Variants in FOCAD observed in about 807,000 individuals in gnomAD.
FOCAD encodes the protein KIAA1797.
FOCAD carries 198 observed loss-of-function variants against 225.6 expected under a neutral mutation model. That is an observed-to-expected ratio of 0.88 (90% CI 0.78 to 0.99). The LOEUF (loss-of-function observed/expected upper bound fraction) is 0.99. Among genes scored for constraint, FOCAD ranks in the 50% least tolerant of loss-of-function variants. FOCAD has a pLI of 0.00. For synonymous variants in FOCAD, 897 were observed against 755.0 expected, an observed-to-expected ratio of 1.19 and a Z score of -3.08; for missense variants, 2,713 against 2,123.6, an observed-to-expected ratio of 1.28 and a Z score of -5.46.
At chr9:20,922,252 T>C (rs2132132424) in intron 24 of FOCAD, among the ~76,000 whole-genome samples, 1 of 152,274 alleles carries the variant, frequency 6.6e-6, no homozygotes, top group African/African-American at 2.4e-5. Flanking sequence ...CCTCAAGGCT[T>C]CCTTCCCATT....
chr9:20,926,447 A>G, intron 26 of FOCAD, 30 bp downstream of exon 26: 1 of 1,374,020 alleles, frequency 7.3e-7, no homozygotes, highest in Non-Finnish European at 1.0e-6. Context: ...AATGATCAGA[A>G]AACTCAAGAA....
At chr9:20,707,012 C>T (rs965086880) in intron 1 of FOCAD, among the ~76,000 whole-genome samples, 1 of 152,194 alleles carries the variant, frequency 6.6e-6, no homozygotes, top group Non-Finnish European at 1.5e-5. Context: ...TGCTCAAACA[C>T]CACTGGAGAG....
intron 40 of FOCAD, 44 bp downstream of exon 40, chr9:20,986,509 G>C (rs1222523573): frequency 6.7e-7 from 1 of 1,499,052 alleles, no homozygotes; most frequent in Admixed American, 2.2e-5. Context: ...GAATAGATCT[G>C]CCTGCTGTTG....
At chr9:20,777,191 A>G (rs1327574531) in intron 8 of FOCAD, among the ~76,000 whole-genome samples, 2 of 151,640 alleles carry the variant, frequency 1.3e-5, no homozygotes, top group Admixed American at 6.6e-5. Context: ...TGTTAGTTTG[A>G]TAGTATCTTC....
chr9:20,736,458 G>A (rs1242914527), intron 4 of FOCAD, among the ~76,000 whole-genome samples: 2 of 152,088 alleles, frequency 1.3e-5, no homozygotes, highest in Non-Finnish European at 2.9e-5. Context: ...CATTTTGCAG[G>A]AGTAGATCTC....
rs2132057413 is a variant in FOCAD at position 20,912,868 on chromosome 9, A to G, written c.2721A>G (p.Gly907=). The G allele has an allele frequency of 6.2e-7, 1 of 1,612,800 alleles. No homozygotes were observed. Among genetic ancestry groups the G allele is most frequent in the South Asian group, 1.1e-5 (1 of 91,024 alleles). ...MNRAYHAILQ[G]RLGELELQLK... ...GATTTATGCTGTGATTTTTGCAGGG[A>G]AGACTAGGAGAGCTGGAGTTGCAGT... The change falls in exon 23 of 44, where the codon GGA becomes GGG. Residue 907 remains glycine, a splice_region_variant and synonymous_variant. Transcript: ENST00000338382.
intron 4 of FOCAD, among the ~76,000 whole-genome samples, chr9:20,738,432 C>G (rs1005965256): frequency 6.6e-6 from 1 of 152,150 alleles, no homozygotes; most frequent in Non-Finnish European, 1.5e-5. Context: ...GTGAGCAAGC[C>G]AAATCTTGAT....
chr9:20,832,443 G>A (rs973515470), intron 15 of FOCAD, among the ~76,000 whole-genome samples: 3 of 151,574 alleles, frequency 2.0e-5, no homozygotes, highest in Non-Finnish European at 2.9e-5. Flanking sequence ...ATATATTTAT[G>A]AGGGTGCATG....
intron 35 of FOCAD, among the ~76,000 whole-genome samples, chr9:20,974,963 TC>T (rs1465827282): frequency 6.6e-6 from 1 of 152,188 alleles, no homozygotes; most frequent in Non-Finnish European, 1.5e-5. Flanking sequence ...AAGCTGTTTT[TC>T]CTTTTGCTGA....
chr9:20,838,978 A>G (rs983552172), intron 15 of FOCAD, among the ~76,000 whole-genome samples: 1 of 152,116 alleles, frequency 6.6e-6, no homozygotes, highest in Non-Finnish European at 1.5e-5. Flanking sequence ...CCAGAGGATC[A>G]TGTGTTATGT....
At chr9:20,809,474 A>G (rs1438983881) in intron 11 of FOCAD, among the ~76,000 whole-genome samples, 1 of 152,220 alleles carries the variant, frequency 6.6e-6, no homozygotes, top group Non-Finnish European at 1.5e-5. Context: ...CAATCAAATT[A>G]AAATAGCCAA....
At chr9:20,860,599 C>T (rs985749850) in intron 15 of FOCAD, among the ~76,000 whole-genome samples, 2 of 152,174 alleles carry the variant, frequency 1.3e-5, no homozygotes, top group African/African-American at 4.8e-5. Context: ...GGCGCTGTCC[C>T]AGCCCACTGC....
At chr9:20,912,987 T>A (rs1010435617) in intron 23 of FOCAD, 33 bp downstream of exon 23, 1 of 1,560,798 alleles carries the variant, frequency 6.4e-7, no homozygotes, top group African/African-American at 1.4e-5. Flanking sequence ...CCATTATTTG[T>A]CATGGGAAGT....
chr9:20,890,105 C>T (rs1831487308), intron 21 of FOCAD, among the ~76,000 whole-genome samples: 1 of 151,614 alleles, frequency 6.6e-6, no homozygotes, highest in Non-Finnish European at 1.5e-5. Context: ...TTGTTTTTCA[C>T]TGTAATGTTG....
intron 23 of FOCAD, among the ~76,000 whole-genome samples, chr9:20,914,783 T>C (rs1833737909): frequency 6.6e-6 from 1 of 152,150 alleles, no homozygotes; most frequent in Admixed American, 6.5e-5. Context: ...ATCTGACTCA[T>C]GATTTAAAAG....
At chr9:20,695,349 C>T (rs1402774906) in intron 1 of FOCAD, among the ~76,000 whole-genome samples, 5 of 152,110 alleles carry the variant, frequency 3.3e-5, no homozygotes, top group African/African-American at 7.2e-5. Flanking sequence ...ATATAAAGTT[C>T]CCTATCTTCC....
chr9:20,967,808 A>C (rs1457158777), intron 35 of FOCAD, among the ~76,000 whole-genome samples: 4 of 152,066 alleles, frequency 2.6e-5, no homozygotes, highest in Admixed American at 2.6e-4. Context: ...CAAACTTTGC[A>C]TTCCTGGGAT....
chr9:20,833,497 C>T (rs747754622), intron 15 of FOCAD, among the ~76,000 whole-genome samples: 8 of 152,014 alleles, frequency 5.3e-5, no homozygotes, highest in African/African-American at 1.2e-4. Context: ...AGGAAGATCT[C>T]GCAGTACCTG....
chr9:20,964,161 T>C (rs1839034542), intron 35 of FOCAD, among the ~76,000 whole-genome samples: 1 of 151,674 alleles, frequency 6.6e-6, no homozygotes, highest in African/African-American at 2.4e-5. Flanking sequence ...AGGTCAGGAG[T>C]TCGAGACCAG....
Sources: gnomAD v4.1 joint callset for allele counts (sites outside exome capture counted in the v4.1 genomes callset) on GRCh38, gnomAD v4.1.1 for gene constraint, MANE v1.5 for transcripts, NCBI Gene and HGNC (gene_info 2026-07-23, HGNC 2026-07-21) for gene names.